ZNF521: variants seen among roughly 807,000 people sequenced by gnomAD.
ZNF521 encodes zinc finger protein 521, also known as LYST-interacting protein 3.
A neutral mutation model predicts 105.5 loss-of-function variants in ZNF521; 14 were observed. That is an observed-to-expected ratio of 0.13 (90% CI 0.09 to 0.21). The LOEUF is 0.21. ZNF521 is among the 10% of genes least tolerant of loss of function. ZNF521 has a pLI of 1.00. For synonymous variants in ZNF521, 635 were observed against 606.0 expected, an observed-to-expected ratio of 1.05 and a Z score of -0.70; for missense variants, 1,233 against 1,629.7, an observed-to-expected ratio of 0.76 and a Z score of 4.19.
intron 5 of ZNF521, among the ~76,000 whole-genome samples, chr18:25,129,308 G>A (rs1335502159): frequency 1.3e-5 from 2 of 149,304 alleles, no homozygotes; most frequent in African/African-American, 2.4e-5. Context: ...TAGATTTCTA[G>A]ACACAGATCT....
intron 5 of ZNF521, among the ~76,000 whole-genome samples, chr18:25,141,912 A>G (rs1276533935): frequency 1.3e-5 from 2 of 152,172 alleles, no homozygotes; most frequent in Admixed American, 1.3e-4. Context: ...TGCGCTAGGA[A>G]GTTTTTGCTC....
chr18:25,247,531 A>C (rs1481031918), intron 3 of ZNF521, among the ~76,000 whole-genome samples: 2 of 152,228 alleles, frequency 1.3e-5, no homozygotes, highest in African/African-American at 4.8e-5. Flanking sequence ...AGAAATTCTT[A>C]TCGCATTGGA....
chr18:25,332,586 T>C (rs1427136991), intron 2 of ZNF521, among the ~76,000 whole-genome samples: 3 of 152,158 alleles, frequency 2.0e-5, no homozygotes, highest in African/African-American at 7.2e-5. Flanking sequence ...TAGTTCCATT[T>C]CTGTAACACT....
At chr18:25,286,032 T>C (rs1200929854) in intron 3 of ZNF521, among the ~76,000 whole-genome samples, 9 of 152,238 alleles carry the variant, frequency 5.9e-5, no homozygotes, top group Non-Finnish European at 1.3e-4. Context: ...GCTCCAAAAG[T>C]GCTGCCGTGG....
At chr18:25,223,650 G>A (rs1312881565) in intron 4 of ZNF521, among the ~76,000 whole-genome samples, 3 of 151,482 alleles carry the variant, frequency 2.0e-5, no homozygotes, top group Middle Eastern at 3.4e-3. Context: ...TTTTGTACTC[G>A]TCACGGCAAA....
At chr18:25,174,024 T>G (rs1408354366) in intron 5 of ZNF521, among the ~76,000 whole-genome samples, 1 of 152,176 alleles carries the variant, frequency 6.6e-6, no homozygotes, top group African/African-American at 2.4e-5. Context: ...AGTTAACATA[T>G]TTTTTAAAAA....
At chr18:25,269,884 G>C (rs1909530471) in intron 3 of ZNF521, among the ~76,000 whole-genome samples, 1 of 152,110 alleles carries the variant, frequency 6.6e-6, no homozygotes, top group African/African-American at 2.4e-5. Flanking sequence ...AAAAGATGTA[G>C]AGAAACAAGA....
chr18:25,144,400 A>G (rs1467780558), intron 5 of ZNF521, among the ~76,000 whole-genome samples: 2 of 152,222 alleles, frequency 1.3e-5, no homozygotes, highest in Non-Finnish European at 2.9e-5. Flanking sequence ...AGGGAACTTC[A>G]TTAGTAAGCC....
chr18:25,186,675 A>G (rs1021610082), intron 5 of ZNF521, among the ~76,000 whole-genome samples: 2 of 152,176 alleles, frequency 1.3e-5, no homozygotes, highest in Non-Finnish European at 2.9e-5. Flanking sequence ...ATATTTCATC[A>G]GAGAGCTGTC....
chr18:25,071,683 G>A (rs1261802327), intron 7 of ZNF521, among the ~76,000 whole-genome samples: 2 of 152,136 alleles, frequency 1.3e-5, no homozygotes, highest in Non-Finnish European at 2.9e-5. Context: ...TTTTATAGAT[G>A]AGAAAATTAA....
chr18:25,252,652 G>C (rs1195046676), intron 3 of ZNF521, among the ~76,000 whole-genome samples: 3 of 151,928 alleles, frequency 2.0e-5, no homozygotes, highest in Non-Finnish European at 1.5e-5. Context: ...ATCTGAAGAA[G>C]TTAAAATTGC....
chr18:25,209,406 C>T (rs1003049313), intron 4 of ZNF521, among the ~76,000 whole-genome samples: 8 of 152,012 alleles, frequency 5.3e-5, no homozygotes, highest in African/African-American at 1.9e-4. Flanking sequence ...CCATGGCGCC[C>T]GGCCAAGTTT....
rs562628952 is a variant in ZNF521 at position 25,122,276 on chromosome 18, A to G, written c.3659-30195T>C. Among the ~76,000 whole-genome samples the G allele has an allele frequency of 6.8e-4, 104 of 152,352 alleles. 1 individual carries two copies. The highest frequency in any genetic ancestry group is 2.3e-3 in the African/African-American group (95 of 41,582). On this transcript the variant is annotated intron_variant, in intron 5 of 7. Transcript: ENST00000361524. ...GACAAGGTAGTGAAAAAAAATGAAC[A>G]AAGTATCAATGAACTGTGGGACAAT...
chr18:25,177,016 C>T (rs1258282905), intron 5 of ZNF521, among the ~76,000 whole-genome samples: 1 of 152,190 alleles, frequency 6.6e-6, no homozygotes, highest in Non-Finnish European at 1.5e-5. Context: ...CTGAGGACCT[C>T]ACTATGTAAA....
intron 2 of ZNF521, among the ~76,000 whole-genome samples, chr18:25,338,259 T>TGTGTGTG (rs769552251): frequency 7.3e-6 from 1 of 136,510 alleles, no homozygotes; most frequent in Non-Finnish European, 1.5e-5. Context: ...TCATAGACTT[T>TGTGTGTG]TGTGTGTGTG....
chr18:25,266,983 G>C (rs1909307893), intron 3 of ZNF521, among the ~76,000 whole-genome samples: 1 of 152,230 alleles, frequency 6.6e-6, no homozygotes, highest in African/African-American at 2.4e-5. Flanking sequence ...GTCTGGCTCA[G>C]CGGGTCCCAT....
Position 25,071,339 on chromosome 18 carries a change from A to G in ZNF521, c.3907-8598T>C, listed in dbSNP as rs546762484. ...GAACCAAGTATTTCCAGAAGTGTTC[A>G]TTCTTTTAGTGACTTATCAAGACCA... On this transcript the variant is annotated intron_variant, in intron 7 of 7. Transcript: ENST00000361524. Among the ~76,000 whole-genome samples, 5 of 152,320 alleles carry G rather than the reference A, an allele frequency of 3.3e-5. No homozygotes were observed. In the East Asian group the frequency reaches 7.7e-4, roughly 24 times the overall value.
At chr18:25,091,366 C>T (rs1274177963) in intron 6 of ZNF521, among the ~76,000 whole-genome samples, 3 of 151,926 alleles carry the variant, frequency 2.0e-5, no homozygotes, top group East Asian at 1.9e-4. Context: ...GTAATGCTAT[C>T]GTATCTGTTA....
At chr18:25,344,225 G>A (rs896956496) in intron 2 of ZNF521, among the ~76,000 whole-genome samples, 16 of 140,360 alleles carry the variant, frequency 1.1e-4, no homozygotes, top group South Asian at 1.1e-3. Context: ...AAAAAGCTGC[G>A]ATTCTACTTA....
Sources: gnomAD v4.1 joint callset for allele counts (sites outside exome capture counted in the v4.1 genomes callset) on GRCh38, gnomAD v4.1.1 for gene constraint, MANE v1.5 for transcripts, NCBI Gene and HGNC (gene_info 2026-07-23, HGNC 2026-07-21) for gene names.